Variants in FARP2 observed in about 807,000 individuals in gnomAD.
FARP2 encodes the protein FERM, ARH/RhoGEF and pleckstrin domain protein 2, also known as FERM, ARHGEF and pleckstrin domain-containing protein 2.
FARP2 carries 111 observed loss-of-function variants against 130.5 expected under a neutral mutation model. That is an observed-to-expected ratio of 0.85 (90% CI 0.73 to 1.00). FARP2 has a LOEUF of 1.00. FARP2 is among the 50% of genes least tolerant of loss of function. FARP2 has a pLI of 0.00. For missense variants in FARP2, 1,385 were observed against 1,346.3 expected (o/e 1.03, Z -0.45); for synonymous variants, 504 against 516.9 (o/e 0.98, Z 0.34).
chr2:241,422,873 T>C (rs2062846229), intron 8 of FARP2, among the ~76,000 whole-genome samples: 1 of 152,018 alleles, frequency 6.6e-6, no homozygotes. Context: ...TCTCAGAGCA[T>C]TGAAGACTAT....
chr2:241,494,810 T>TTGA lies in FARP2; in HGVS notation c.*687_*689dup, dbSNP rs1423286911. On this transcript the variant is annotated 3_prime_UTR_variant, in exon 27 of 27. Coordinates refer to ENST00000264042, the MANE Select transcript of FARP2 (RefSeq NM_014808.4). This position sits in a 1 kb window ranked among gnomAD's most constrained non-coding sequence, Gnocchi z 4.9. ...GGGCGACTGCTTTGTTCACACACAT[T>TTGA]TGATTAAAAATAAACAAACAGCATC... is the stretch of plus-strand genomic sequence containing the variant. The TTGA allele has an allele frequency of 6.6e-6, 1 of 152,208 alleles. No homozygotes were observed. Among genetic ancestry groups the TTGA allele is most frequent in the East Asian group, 1.9e-4 (1 of 5,198 alleles). The allele number at this position is 152,208 out of a possible 1,614,324, so 9.4% of individuals were successfully genotyped here. A position where few individuals can be genotyped will look rare whatever the true frequency, so the allele number is the denominator to read the frequency against.
intron 8 of FARP2, among the ~76,000 whole-genome samples, chr2:241,427,546 A>C (rs2062973833): frequency 6.6e-6 from 1 of 152,106 alleles, no homozygotes. Context: ...CAAATACTAC[A>C]CCATTTTCTA....
At chr2:241,411,188 A>C (rs540757155) in intron 6 of FARP2, 58 bp downstream of exon 6, 1 of 1,146,668 alleles carries the variant, frequency 8.7e-7, no homozygotes. Context: ...ATATACCCGC[A>C]CTCAGAACTA....
intron 19 of FARP2, among the ~76,000 whole-genome samples, chr2:241,477,704 A>G (rs1471947764): frequency 6.6e-6 from 1 of 152,190 alleles, no homozygotes; most frequent in East Asian, 1.9e-4. Flanking sequence ...AACTCGTATG[A>G]GACTTCCAGT....
intron 1 of FARP2, chr2:241,372,631 C>A (rs926400603): frequency 6.6e-6 from 1 of 152,250 alleles, no homozygotes; most frequent in African/African-American, 2.4e-5. Context: ...AGCCTGTTTA[C>A]GTTTGGTAGA....
chr2:241,449,133 G>A (rs1362170299), intron 13 of FARP2, among the ~76,000 whole-genome samples: 2 of 152,126 alleles, frequency 1.3e-5, no homozygotes, highest in Non-Finnish European at 2.9e-5. Context: ...GGATCCCTTG[G>A]ATAGTTCCAC....
rs2064432278 is a variant in FARP2 at position 241,475,415 on chromosome 2, G to A, written c.2132-442G>A. Among the ~76,000 whole-genome samples the A allele has an allele frequency of 6.6e-6, 1 of 152,194 alleles. No homozygotes were observed. The highest frequency in any genetic ancestry group is 6.5e-5 in the Admixed American group (1 of 15,280). On this transcript the variant is annotated intron_variant, in intron 18 of 26. Coordinates refer to ENST00000264042, the MANE Select transcript of FARP2 (RefSeq NM_014808.4). The surrounding 1 kb of genome is among the most constrained non-coding windows in gnomAD (Gnocchi z 4.4). ...TGTTAGGAACCAGGCCACACGGCAGGAGGTGAGTGGCGGGCAAGTGAAGCT... is the reference window on the plus strand; with the variant it reads ...TGTTAGGAACCAGGCCACACGGCAGAAGGTGAGTGGCGGGCAAGTGAAGCT...
rs1363435940 is a variant in FARP2, at chr2:241,434,893, T to C, written c.1032-69T>C. ...GAGAGGATGGGTAAATCTTTTCTTT[T>C]GTCTTTTACTCTGAAAAATTAATGC... On this transcript the variant is annotated intron_variant, in intron 10 of 26. Coordinates refer to ENST00000264042, the MANE Select transcript of FARP2 (RefSeq NM_014808.4). 1.7e-5 allele frequency: 16 copies of C among 942,572 alleles called. No homozygotes were observed. The East Asian group carries it at 3.9e-4, about 23-fold the overall frequency. The allele number at this position is 942,572 out of a possible 1,614,324, so 58.4% of individuals were successfully genotyped here.
At chr2:241,493,828 C>A in intron 26 of FARP2, 180 bp from the exon 27 acceptor site, 1 of 532,490 alleles carries the variant, frequency 1.9e-6, no homozygotes, top group Non-Finnish European at 3.4e-6. Flanking sequence ...AACTCCTGAC[C>A]TCAAGTGATC....
rs201060373 is a variant in FARP2, at chr2:241,462,524, G to A, written c.1589G>A (p.Arg530His). 9.9e-6 allele frequency: 16 copies of A among 1,612,524 alleles called. No individual in the cohort carries two copies. The East Asian group carries it at 2.5e-4, about 25-fold the overall frequency. Residue 530 changes from arginine (R) to histidine (H), a missense_variant and splice_region_variant, in exon 15 of 27, where the codon CGC (arginine) becomes CAC (histidine). Coordinates refer to ENST00000264042, the MANE Select transcript of FARP2 (RefSeq NM_014808.4). ...CTTACAGCTCTCTGCTTCTTTCAGC[G>A]CGTGCCTGCAGACGAGGCCTACTTC... is the stretch of plus-strand genomic sequence containing the variant. ...GMDCEEPRHK[R>H]VPADEAYFIV...
chr2:241,487,587 A>ACCCTGGG, intron 21 of FARP2, among the ~76,000 whole-genome samples: 1 of 151,362 alleles, frequency 6.6e-6, no homozygotes, highest in African/African-American at 2.4e-5. Flanking sequence ...GAATCACTTG[A>ACCCTGGG]ACCTGGGAGG....
At chr2:241,430,548 C>T (rs2063064837) in intron 8 of FARP2, among the ~76,000 whole-genome samples, 1 of 152,172 alleles carries the variant, frequency 6.6e-6, no homozygotes, top group Admixed American at 6.5e-5. Flanking sequence ...GCTCCTGTTA[C>T]ACTCTAGCAC....
At chr2:241,445,281 T>A (rs991757728) in intron 13 of FARP2, 8 of 151,632 alleles carry the variant, frequency 5.3e-5, no homozygotes, top group African/African-American at 1.9e-4. Context: ...AAGGCTTTCT[T>A]CCGAGTTACT....
intron 1 of FARP2, among the ~76,000 whole-genome samples, chr2:241,359,188 T>TA (rs1559696689): frequency 2.6e-5 from 4 of 152,218 alleles, no homozygotes; most frequent in African/African-American, 9.7e-5. Context: ...GGAGGGTAGT[T>TA]AGAGTGTTGT....
intron 4 of FARP2, 83 bp from the exon 5 acceptor site, chr2:241,407,454 A>G: frequency 1.0e-6 from 1 of 999,962 alleles, no homozygotes; most frequent in Non-Finnish European, 1.6e-6. Flanking sequence ...TGGAAGCATG[A>G]CCTCAGTTAT....
At chr2:241,457,010 T>G in intron 14 of FARP2, 88 bp downstream of exon 14, 12 of 1,211,368 alleles carry the variant, frequency 9.9e-6, no homozygotes, top group East Asian at 2.6e-5. Flanking sequence ...GTGGGGACCC[T>G]GGGGCGGGGC....
chr2:241,391,146 G>C (rs1476773844), intron 2 of FARP2, among the ~76,000 whole-genome samples: 2 of 152,208 alleles, frequency 1.3e-5, no homozygotes, highest in African/African-American at 4.8e-5. Flanking sequence ...GAAAGGAATT[G>C]CTTAAGAGCT....
chr2:241,430,886 G>C (rs2063072799), intron 8 of FARP2, among the ~76,000 whole-genome samples: 1 of 151,942 alleles, frequency 6.6e-6, no homozygotes, highest in African/African-American at 2.4e-5. Flanking sequence ...TGTAGTCCCA[G>C]CTACTCAGGA....
In FARP2 at chr2:241,472,412, T is replaced by C. The variant is rs117023209; in HGVS notation, c.2132-3445T>C. ...GGATCCTGTTCAGACGGGGATGCTG[T>C]TTTGAGGCGACCCTGTTCTGAGGGA... is the stretch of plus-strand genomic sequence containing the variant. On this transcript the variant is annotated intron_variant, in intron 18 of 26. Transcript: ENST00000264042. 7.0e-3 allele frequency among the ~76,000 whole-genome samples: 1,060 copies of C among 151,042 alleles called. 28 individuals are homozygous for C. The South Asian group carries it at 0.074, about 10-fold the overall frequency.
Sources: gnomAD v4.1 joint callset for allele counts (sites outside exome capture counted in the v4.1 genomes callset) on GRCh38, gnomAD v4.1.1 for gene constraint, Gnocchi (gnomAD v3.1) non-coding constraint, MANE v1.5 for transcripts, NCBI Gene and HGNC (gene_info 2026-07-23, HGNC 2026-07-21) for gene names.